Variants in QKI observed in about 807,000 individuals in gnomAD.
QKI encodes KH domain-containing RNA-binding protein QKI.
A neutral mutation model predicts 39.0 loss-of-function variants in QKI; 10 were observed. The observed-to-expected ratio is 0.26, with a 90% CI of 0.16 to 0.43. QKI has a LOEUF of 0.43. Ranked by LOEUF, QKI falls within the 20% of genes least tolerant of loss-of-function variation. The probability of loss-of-function intolerance (pLI) is 1.00; values close to 1 mark genes in which losing one functional copy is unlikely to be tolerated. For missense variants in QKI, 218 were observed against 428.0 expected, an observed-to-expected ratio of 0.51 and a Z score of 4.33; for synonymous variants, 204 against 155.4, an observed-to-expected ratio of 1.31 and a Z score of -2.33.
intron 4 of QKI, among the ~76,000 whole-genome samples, chr6:163,544,791 A>G (rs1422315077): frequency 1.3e-5 from 2 of 152,138 alleles, no homozygotes; most frequent in South Asian, 2.1e-4. Flanking sequence ...GCGTCTTTCA[A>G]AAATGTTTCA....
At chr6:163,427,848 A>T (rs1200829804) in intron 1 of QKI, among the ~76,000 whole-genome samples, 1 of 152,218 alleles carries the variant, frequency 6.6e-6, no homozygotes, top group Non-Finnish European at 1.5e-5. Context: ...TATCAGTAAA[A>T]ATATATATAG....
At chr6:163,497,012 C>CAGTAAT (rs1449508831) in intron 3 of QKI, among the ~76,000 whole-genome samples, 4 of 152,092 alleles carry the variant, frequency 2.6e-5, no homozygotes, top group Admixed American at 2.6e-4. Context: ...GTTCTGTCCT[C>CAGTAAT]AGTAATAGAA....
At chr6:163,425,057 A>T (rs920695145) in intron 1 of QKI, among the ~76,000 whole-genome samples, 48 of 152,214 alleles carry the variant, frequency 3.2e-4, no homozygotes, top group African/African-American at 1.1e-3. Flanking sequence ...AGGTTCAGCT[A>T]GTTTTTATGT....
At chr6:163,487,549 A>AG (rs944281210) in intron 3 of QKI, among the ~76,000 whole-genome samples, 7 of 152,136 alleles carry the variant, frequency 4.6e-5, no homozygotes, top group Non-Finnish European at 8.8e-5. Flanking sequence ...CATACAAATG[A>AG]GGGTCATCTA....
At chr6:163,541,463 A>T (rs1312617813) in intron 4 of QKI, among the ~76,000 whole-genome samples, 1 of 149,356 alleles carries the variant, frequency 6.7e-6, no homozygotes, top group East Asian at 2.0e-4. Context: ...AGATGAAGAT[A>T]GTTGAAAGCA....
chr6:163,449,606 T>C (rs970071812), intron 1 of QKI, among the ~76,000 whole-genome samples: 1 of 152,226 alleles, frequency 6.6e-6, no homozygotes, highest in Non-Finnish European at 1.5e-5. Context: ...AGTAATTCTT[T>C]GGTGCATTTT....
intron 2 of QKI, among the ~76,000 whole-genome samples, chr6:163,466,921 A>G (rs1791803117): frequency 6.6e-6 from 1 of 152,166 alleles, no homozygotes; most frequent in Admixed American, 6.5e-5. Context: ...GAAACAATCA[A>G]CAAAATGAAA....
intron 3 of QKI, among the ~76,000 whole-genome samples, chr6:163,514,429 C>T (rs1487721413): frequency 6.6e-6 from 1 of 151,734 alleles, no homozygotes; most frequent in African/African-American, 2.4e-5. Flanking sequence ...GTTAGAAATC[C>T]TAACTTTTTT....
intron 6 of QKI, chr6:163,564,312 G>GA: frequency 9.8e-7 from 1 of 1,017,250 alleles, no homozygotes; most frequent in Non-Finnish European, 1.2e-6. Context: ...TACTTACACA[G>GA]ACATAGATGA....
intron 1 of QKI, among the ~76,000 whole-genome samples, chr6:163,454,231 C>G (rs1453180609): frequency 1.3e-5 from 2 of 151,968 alleles, no homozygotes; most frequent in Admixed American, 1.3e-4. Context: ...CTGGTGCATA[C>G]TAGAAGCTTA....
intron 1 of QKI, chr6:163,416,185 C>A: frequency 6.1e-6 from 2 of 330,182 alleles, no homozygotes; most frequent in South Asian, 2.3e-5. Context: ...GGTTTCGAGA[C>A]GTTTGGAAAG....
At chr6:163,524,759 G>A (rs1444263056) in intron 3 of QKI, among the ~76,000 whole-genome samples, 5 of 152,054 alleles carry the variant, frequency 3.3e-5, no homozygotes, top group Admixed American at 6.5e-5. Context: ...GAACCACCAC[G>A]CCCGGCCTTC....
At chr6:163,465,216 A>G (rs2128221689) in intron 2 of QKI, among the ~76,000 whole-genome samples, 1 of 152,330 alleles carries the variant, frequency 6.6e-6, no homozygotes, top group African/African-American at 2.4e-5. Context: ...ACAGGCCCAC[A>G]GCTGACATCA....
chr6:163,469,827 G>A (rs1486160658), intron 2 of QKI, among the ~76,000 whole-genome samples: 2 of 152,094 alleles, frequency 1.3e-5, no homozygotes, highest in Non-Finnish European at 2.9e-5. Context: ...ATAAGGCCAG[G>A]CATGTTGATA....
intron 7 of QKI, chr6:163,567,239 A>G (rs1372503050): frequency 2.0e-6 from 2 of 987,166 alleles, no homozygotes; most frequent in African/African-American, 1.7e-5. Flanking sequence ...AGAAAACTGA[A>G]GATTTAGTTT....
intron 4 of QKI, among the ~76,000 whole-genome samples, chr6:163,561,483 CT>C (rs1783003287): frequency 6.6e-6 from 1 of 152,090 alleles, no homozygotes; most frequent in Admixed American, 6.5e-5. Flanking sequence ...TGGCGCGTGC[CT>C]CTAGTCGCAG....
chr6:163,430,633 A>G (rs1246224925), intron 1 of QKI, among the ~76,000 whole-genome samples: 11 of 152,174 alleles, frequency 7.2e-5, no homozygotes, highest in African/African-American at 2.4e-4. Flanking sequence ...AGGATAGATT[A>G]GTTGTCAGCA....
At chr6:163,478,647 C>T in intron 2 of QKI, 133 bp from the exon 3 acceptor site, 1 of 630,466 alleles carries the variant, frequency 1.6e-6, no homozygotes, top group East Asian at 2.9e-5. Context: ...CATAAGGGCT[C>T]TAGATTTTAT....
intron 1 of QKI, among the ~76,000 whole-genome samples, chr6:163,448,179 C>T (rs560706770): frequency 5.9e-5 from 9 of 152,182 alleles, no homozygotes; most frequent in Non-Finnish European, 1.2e-4. Context: ...TGAAATTTAT[C>T]GCCAGTTGTG....
Sources: allele counts gnomAD v4.1 joint callset (sites outside exome capture counted in the v4.1 genomes callset), GRCh38; gene constraint gnomAD v4.1.1; transcripts MANE v1.5; gene names NCBI Gene and HGNC (gene_info 2026-07-23, HGNC 2026-07-21).